Variants in ZNF91 observed in about 807,000 individuals in gnomAD.
ZNF91 encodes zinc finger protein 91 (HPF7, HTF10).
In ZNF91, 7 loss-of-function variants were observed where a neutral mutation model predicts 12.6. That is an observed-to-expected ratio of 0.55 (90% CI 0.31 to 1.04). ZNF91 has a LOEUF of 1.04. Among genes scored for constraint, ZNF91 ranks in the 50% least tolerant of loss-of-function variants. The pLI is 0.05. For synonymous variants in ZNF91, 453 were observed against 462.6 expected, an observed-to-expected ratio of 0.98 and a Z score of 0.27; for missense variants, 1,217 against 1,385.4, an observed-to-expected ratio of 0.88 and a Z score of 1.93.
chr19:23,334,451 CT>C (rs1967971517), downstream of ZNF91, among the ~76,000 whole-genome samples: 2 of 152,066 alleles, frequency 1.3e-5, no homozygotes, highest in African/African-American at 2.4e-5. Flanking sequence ...GCAGTGCAAA[CT>C]TGTAATTTGG....
At chr19:23,338,986 A>C (rs1381480328) in exon 4 of ZNF91, 1 of 151,468 alleles carries the variant, frequency 6.6e-6, no homozygotes, top group Non-Finnish European at 1.5e-5. Context: ...GGGGAGGCAG[A>C]GGTTGCAGTG....
rs536517273 is a variant in ZNF91, at chr19:23,372,949, C to A, written c.253+793G>T. Among the ~76,000 whole-genome samples the A allele has an allele frequency of 2.6e-5, 4 of 152,220 alleles. No homozygotes were observed. In the South Asian group the frequency reaches 8.3e-4, roughly 32 times the overall value. On this transcript the variant is annotated intron_variant, in intron 3 of 3. Transcript: ENST00000300619. ...TTGGGTCTGCCCTGCAGAGCAAAGT[C>A]CTGAAGGATATTCACTCTGTCCAAA... is the stretch of plus-strand genomic sequence containing the variant.
At chr19:23,334,504 A>T (rs1247750884), downstream of ZNF91, among the ~76,000 whole-genome samples, 1 of 152,186 alleles carries the variant, frequency 6.6e-6, no homozygotes, top group South Asian at 2.1e-4. Flanking sequence ...TTAAAAAGAG[A>T]CTTTTCAGCC....
At chr19:23,341,527 G>A (rs1968123809) in intron 3 of ZNF91, among the ~76,000 whole-genome samples, 1 of 151,990 alleles carries the variant, frequency 6.6e-6, no homozygotes, top group Admixed American at 6.6e-5. Flanking sequence ...GCAAAAGCAA[G>A]TATAATAATA....
At chr19:23,340,085 A>T (rs536334699) in intron 3 of ZNF91, 103 of 152,246 alleles carry the variant, frequency 6.8e-4, no homozygotes, top group African/African-American at 2.4e-3. Flanking sequence ...CCTGCATCAA[A>T]AAAATAGAAA....
chr19:23,362,747 T>G (rs1968865070), intron 3 of ZNF91, 22 bp from the exon 4 acceptor site: 2 of 1,419,424 alleles, frequency 1.4e-6, no homozygotes, highest in South Asian at 1.9e-5. Flanking sequence ...AAACTAAAAA[T>G]AATAAATTAC....
intron 3 of ZNF91, chr19:23,305,158 T>A (rs1967381091): frequency 6.6e-6 from 1 of 152,234 alleles, no homozygotes; most frequent in South Asian, 2.1e-4. Context: ...AAATTTCAGA[T>A]TCCTTTGCAC....
chr19:23,333,826 A>C (rs1410457119), downstream of ZNF91, among the ~76,000 whole-genome samples: 1 of 152,202 alleles, frequency 6.6e-6, no homozygotes, highest in African/African-American at 2.4e-5. Context: ...TCAGCAAAGC[A>C]ATAGTGGAAA....
chr19:23,354,998 G>A (rs1968451077), downstream of ZNF91, among the ~76,000 whole-genome samples: 1 of 152,120 alleles, frequency 6.6e-6, no homozygotes, highest in Non-Finnish European at 1.5e-5. Flanking sequence ...CCATGCACAA[G>A]CATGGGTAGA....
downstream of ZNF91, among the ~76,000 whole-genome samples, chr19:23,335,578 T>G (rs984580734): frequency 2.6e-4 from 40 of 152,160 alleles, no homozygotes; most frequent in Non-Finnish European, 7.4e-5. Flanking sequence ...CTCGGACTGC[T>G]GTGCTAGCAG....
chr19:23,365,184 A>T (rs1968953115), intron 3 of ZNF91, among the ~76,000 whole-genome samples: 1 of 152,136 alleles, frequency 6.6e-6, no homozygotes, highest in Non-Finnish European at 1.5e-5. Context: ...AAAAGAAAAA[A>T]AATTCTAACT....
At chr19:23,371,835 T>C (rs927724524) in intron 3 of ZNF91, among the ~76,000 whole-genome samples, 2 of 152,168 alleles carry the variant, frequency 1.3e-5, no homozygotes, top group African/African-American at 4.8e-5. Context: ...AGAAACTTAA[T>C]AGATAAGCAT....
chr19:23,391,392 A>G (rs757118743), intron 1 of ZNF91, among the ~76,000 whole-genome samples: 1 of 152,164 alleles, frequency 6.6e-6, no homozygotes, highest in Non-Finnish European at 1.5e-5. Context: ...TCCTAAGAAC[A>G]TGCTGACTTC....
intron 2 of ZNF91, among the ~76,000 whole-genome samples, chr19:23,374,307 G>A (rs985408420): frequency 6.6e-6 from 1 of 150,962 alleles, no homozygotes; most frequent in African/African-American, 2.4e-5. Flanking sequence ...ACTCTGGGAG[G>A]CCAAGGCGGG....
chr19:23,334,323 T>G (rs1442121604), downstream of ZNF91, among the ~76,000 whole-genome samples: 1 of 152,162 alleles, frequency 6.6e-6, no homozygotes, highest in Non-Finnish European at 1.5e-5. Context: ...TAGGCTGTTA[T>G]GAGCCATCAA....
upstream of ZNF91, among the ~76,000 whole-genome samples, chr19:23,315,068 G>A (rs372051430): frequency 6.6e-6 from 1 of 152,202 alleles, no homozygotes; most frequent in African/African-American, 2.4e-5. Flanking sequence ...TCACCTAGAT[G>A]ATGTTATCGT....
intron 3 of ZNF91, among the ~76,000 whole-genome samples, chr19:23,345,788 C>G (rs890264190): frequency 6.6e-6 from 1 of 152,066 alleles, no homozygotes; most frequent in African/African-American, 2.4e-5. Flanking sequence ...CAGCAGTATC[C>G]ACTTCTTTTC....
At chr19:23,336,830 C>T (rs111804588), downstream of ZNF91, among the ~76,000 whole-genome samples, 3,583 of 152,128 alleles carry the variant, frequency 0.024, 137 homozygotes, top group African/African-American at 0.081. Context: ...AGTGCAGTGG[C>T]GTGATCTCCG....
At chr19:23,313,467 T>C (rs575503378), upstream of ZNF91, among the ~76,000 whole-genome samples, 1 of 152,212 alleles carries the variant, frequency 6.6e-6, no homozygotes, top group Non-Finnish European at 1.5e-5. Context: ...CTGTGATGTA[T>C]CAGTGGGCCC....
Sources: allele counts gnomAD v4.1 joint callset (sites outside exome capture counted in the v4.1 genomes callset), GRCh38; gene constraint gnomAD v4.1.1; transcripts MANE v1.5; gene names NCBI Gene and HGNC (gene_info 2026-07-23, HGNC 2026-07-21).